Variants in TIAM2 observed in about 807,000 individuals in gnomAD.
The protein encoded by TIAM2 is TIAM Rac1 associated GEF 2.
In TIAM2, 80 loss-of-function variants were observed where a neutral mutation model predicts 152.9. The ratio of observed to expected loss-of-function variants is 0.52; its 90% CI spans 0.44 to 0.63. The LOEUF (loss-of-function observed/expected upper bound fraction) is 0.63, where lower values mean the gene tolerates loss of function less well. Ranked by LOEUF, TIAM2 falls within the 30% of genes least tolerant of loss-of-function variation. The pLI is 0.00. For missense variants in TIAM2, 1,965 were observed against 2,120.1 expected (o/e 0.93, Z 1.44); for synonymous variants, 804 against 838.0 (o/e 0.96, Z 0.70).
At position 155,213,448 on chromosome 6, in the gene TIAM2, A is replaced by C. The variant is rs1181328010; in HGVS notation, c.3168+2141A>C. Among the ~76,000 whole-genome samples, 1 of 152,114 alleles carries C rather than the reference A, an allele frequency of 6.6e-6. No homozygotes were observed. Among genetic ancestry groups the C allele is most frequent in the Non-Finnish European group, 1.5e-5 (1 of 68,006 alleles). The stretch of plus-strand genomic sequence containing the variant: ...AGACCCTGGAGTAGCTCCTCTCCTC[A>C]GCTGGTTGTCTCATTGTCTCTTTGA... On this transcript the variant is annotated intron_variant, in intron 15 of 26. Transcript: ENST00000682666. This position sits in a 1 kb window ranked among gnomAD's most constrained non-coding sequence, Gnocchi z 4.2.
chr6:155,157,483 A>T (rs1055345513), intron 7 of TIAM2, among the ~76,000 whole-genome samples: 61 of 151,242 alleles, frequency 4.0e-4, no homozygotes, highest in East Asian at 9.7e-4. Flanking sequence ...AAATTTTTTT[A>T]AAAAATAGAG....
intron 22 of TIAM2, among the ~76,000 whole-genome samples, 192 bp from the exon 23 acceptor site, chr6:155,251,753 A>G (rs1297163902): frequency 6.6e-6 from 1 of 152,270 alleles, no homozygotes. Context: ...TAGCTTTTAA[A>G]TAAGCAGGTG....
At chr6:155,149,061 C>T (rs549528931) in intron 7 of TIAM2, 9 of 167,182 alleles carry the variant, frequency 5.4e-5, no homozygotes, top group African/African-American at 2.2e-4. Context: ...CAACGCCAGC[C>T]TGGAGTGAGG....
intron 7 of TIAM2, among the ~76,000 whole-genome samples, chr6:155,163,021 A>C (rs1043948416): frequency 1.3e-5 from 2 of 152,216 alleles, no homozygotes; most frequent in Non-Finnish European, 2.9e-5. Context: ...GAATGCCCAG[A>C]ATTTGTAATA....
At chr6:155,157,660 G>A (rs1477395225) in intron 7 of TIAM2, among the ~76,000 whole-genome samples, 1 of 152,048 alleles carries the variant, frequency 6.6e-6, no homozygotes, top group Non-Finnish European at 1.5e-5. Context: ...CGCCACTGGA[G>A]CACCAAGAAG....
chr6:155,093,923 G>A (rs1047151411), intron 2 of TIAM2, among the ~76,000 whole-genome samples: 1 of 152,142 alleles, frequency 6.6e-6, no homozygotes, highest in Admixed American at 6.5e-5. Context: ...AATTTAAAAT[G>A]TTTTTTAGGA....
intron 2 of TIAM2, among the ~76,000 whole-genome samples, chr6:155,114,914 G>A (rs780219001): frequency 3.1e-4 from 47 of 151,944 alleles, no homozygotes; most frequent in Middle Eastern, 3.4e-3. Context: ...TACAACCTCC[G>A]CCTTCCAGGT....
At chr6:155,029,595 A>ATATAACTAGTATG (rs1776776559) in intron 1 of TIAM2, among the ~76,000 whole-genome samples, 1 of 101,032 alleles carries the variant, frequency 9.9e-6, no homozygotes, top group Admixed American at 1.4e-4. Flanking sequence ...TATATAGTAT[A>ATATAACTAGTATG]TATAGTTATA....
chr6:155,137,901 A>T (rs1425086393), intron 5 of TIAM2, among the ~76,000 whole-genome samples: 1 of 152,138 alleles, frequency 6.6e-6, no homozygotes, highest in East Asian at 1.9e-4. Flanking sequence ...CAATGGCAGG[A>T]TCTCAGCTCA....
Position 155,099,591 on chromosome 6 carries a change from C to G in TIAM2, c.-118+9212C>G, listed in dbSNP as rs79743104. Among the ~76,000 whole-genome samples the G allele has an allele frequency of 1.5e-4, 23 of 152,244 alleles. No individual in the cohort carries two copies. The East Asian group carries it at 3.9e-3, about 26-fold the overall frequency. ...TAATAATTGTGGGAGAGGAAAATTACCAGAACTTTGAGGCCCAGTAACATT... is the reference window on the plus strand; with the variant it reads ...TAATAATTGTGGGAGAGGAAAATTAGCAGAACTTTGAGGCCCAGTAACATT... On this transcript the variant is annotated intron_variant, in intron 2 of 26. Transcript: ENST00000682666.
chr6:155,039,296 C>T (rs980384014), intron 1 of TIAM2, among the ~76,000 whole-genome samples: 15 of 152,002 alleles, frequency 9.9e-5, no homozygotes, highest in Admixed American at 4.6e-4. Context: ...ATGTTTTGGT[C>T]CCATGAGAAA....
intron 1 of TIAM2, among the ~76,000 whole-genome samples, chr6:155,042,053 G>A (rs1339215030): frequency 2.6e-5 from 4 of 151,650 alleles, no homozygotes; most frequent in Non-Finnish European, 5.9e-5. Flanking sequence ...TTGAGTGTTT[G>A]TTCTTTATGG....
chr6:155,045,050 C>CTTTT (rs200620585), intron 1 of TIAM2, among the ~76,000 whole-genome samples: 1 of 132,056 alleles, frequency 7.6e-6, no homozygotes, highest in African/African-American at 2.8e-5. Context: ...TTTTCTTTTT[C>CTTTT]TTTTTTTTTT....
rs746140984 is a variant in TIAM2, at chr6:155,130,140, C to G, written c.917C>G (p.Ala306Gly). ...TCCCTCCGGGAACTGTACAAAGATG[C>G]CAACCTGGGGAGCCTCTCCCCCTCA... The part of the protein sequence containing the change: ...LSSLRELYKD[A>G]NLGSLSPSGI... The change falls in exon 4 of 27, where the codon GCC (alanine) becomes GGC (glycine). Residue 306 changes from alanine (A) to glycine (G), a missense_variant. Ala to Gly is a moderately conservative substitution (Grantham distance 60). Around this residue, in one of 3 missense-constraint regions of TIAM2, gnomAD observed 1,025 missense variants for 1,119.4 expected, o/e 0.92. Transcript: ENST00000682666. The G allele has an allele frequency of 1.5e-5, 25 of 1,614,170 alleles. No individual in the cohort carries two copies. The highest frequency in any genetic ancestry group is 2.1e-5 in the Non-Finnish European group (25 of 1,180,030).
At chr6:155,118,862 C>CT (rs1377744094) in intron 2 of TIAM2, among the ~76,000 whole-genome samples, 2 of 148,126 alleles carry the variant, frequency 1.4e-5, no homozygotes, top group South Asian at 2.1e-4. Flanking sequence ...AATGTGTGTG[C>CT]TTTTTTTTTT....
intron 5 of TIAM2, 103 bp from the exon 6 acceptor site, chr6:155,144,503 G>A (rs926859133): frequency 1.8e-5 from 20 of 1,123,948 alleles, no homozygotes; most frequent in Non-Finnish European, 2.4e-5. Flanking sequence ...TCACATGATT[G>A]TCTCACTCAG....
intron 9 of TIAM2, among the ~76,000 whole-genome samples, chr6:155,172,146 C>T (rs1162364889): frequency 6.6e-6 from 1 of 152,080 alleles, no homozygotes; most frequent in African/African-American, 2.4e-5. Flanking sequence ...GTGGAATGCC[C>T]TCCAAGGAGA....
intron 2 of TIAM2, among the ~76,000 whole-genome samples, chr6:155,098,309 A>G (rs1487233316): frequency 1.3e-5 from 2 of 152,176 alleles, no homozygotes; most frequent in Non-Finnish European, 2.9e-5. Flanking sequence ...AGCCGTGAGC[A>G]TGGAATATCT....
intron 24 of TIAM2, 98 bp downstream of exon 24, chr6:155,253,151 C>A: frequency 9.7e-7 from 1 of 1,028,792 alleles, no homozygotes; most frequent in Non-Finnish European, 1.4e-6. Context: ...ATTTTTGGTG[C>A]CTTTTATTTT....
Sources: gnomAD v4.1 joint callset for allele counts (sites outside exome capture counted in the v4.1 genomes callset) on GRCh38, gnomAD v4.1.1 for gene constraint, gnomAD v4.1.1 regional missense constraint, Gnocchi (gnomAD v3.1) non-coding constraint, MANE v1.5 for transcripts, NCBI Gene and HGNC (gene_info 2026-07-23, HGNC 2026-07-21) for gene names.